Variants in WWOX observed in about 807,000 individuals in gnomAD.
WWOX encodes WW domain-containing oxidoreductase.
In WWOX, 69 loss-of-function variants were observed where a neutral mutation model predicts 46.2. That is an observed-to-expected ratio of 1.49 (90% CI 1.23 to 1.82). WWOX has a LOEUF of 1.82. WWOX is among the 40% of genes most tolerant of loss of function. WWOX has a pLI of 0.00. For synonymous variants in WWOX, 359 were observed against 202.6 expected, an observed-to-expected ratio of 1.77 and a Z score of -6.56; for missense variants, 919 against 542.6, an observed-to-expected ratio of 1.69 and a Z score of -6.89.
chr16:79,010,397 A>G (rs2047279928), intron 8 of WWOX, among the ~76,000 whole-genome samples: 2 of 152,086 alleles, frequency 1.3e-5, no homozygotes, highest in Admixed American at 1.3e-4. Context: ...CCAGGACTCA[A>G]AGGACCTATG....
chr16:78,573,604 C>G lies in WWOX; in HGVS notation c.1056+140852C>G, dbSNP rs749623216. Among the ~76,000 whole-genome samples the G allele has an allele frequency of 6.0e-4, 92 of 152,176 alleles. 1 individual carries two copies. The highest frequency in any genetic ancestry group is 2.6e-4 in the Non-Finnish European group (18 of 68,038). ...AATGCTCAGCTTGTCATTCCTTTGC[C>G]CAGTGTACTCTCTGTCTCACTAATT... On this transcript the variant is annotated intron_variant, in intron 8 of 8. Coordinates refer to ENST00000566780, the MANE Select transcript of WWOX (RefSeq NM_016373.4).
At chr16:78,304,748 T>C (rs773224393) in intron 5 of WWOX, among the ~76,000 whole-genome samples, 3 of 152,200 alleles carry the variant, frequency 2.0e-5, no homozygotes, top group Admixed American at 6.5e-5. Flanking sequence ...ACACATTTCC[T>C]GTCAACATGT....
At chr16:78,674,777 T>C (rs2142213959) in intron 8 of WWOX, among the ~76,000 whole-genome samples, 1 of 152,162 alleles carries the variant, frequency 6.6e-6, no homozygotes, top group South Asian at 2.1e-4. Flanking sequence ...GAAGGACATG[T>C]ACTCTTCCCA....
intron 8 of WWOX, among the ~76,000 whole-genome samples, chr16:79,034,757 A>G (rs1264179426): frequency 6.6e-6 from 1 of 152,142 alleles, no homozygotes; most frequent in Non-Finnish European, 1.5e-5. Context: ...TGCTCAAAGC[A>G]CTTGCTTACT....
intron 8 of WWOX, among the ~76,000 whole-genome samples, chr16:79,154,245 C>G (rs544615275): frequency 1.3e-5 from 2 of 152,196 alleles, no homozygotes; most frequent in Non-Finnish European, 2.9e-5. Context: ...TGTAAGTGTC[C>G]TCTGCCCTGG....
chr16:78,426,507 A>G (rs980913043), intron 7 of WWOX, among the ~76,000 whole-genome samples: 3 of 152,288 alleles, frequency 2.0e-5, no homozygotes, highest in Admixed American at 2.0e-4. Context: ...GCATCATTTA[A>G]AAGATTAGTT....
intron 5 of WWOX, among the ~76,000 whole-genome samples, chr16:78,380,575 C>T (rs554480111): frequency 7.9e-5 from 12 of 152,160 alleles, no homozygotes; most frequent in South Asian, 4.2e-4. Context: ...ACCCATTCAG[C>T]GGTGACCACC....
intron 8 of WWOX, among the ~76,000 whole-genome samples, chr16:78,557,438 A>C (rs1365020828): frequency 6.6e-6 from 1 of 152,080 alleles, no homozygotes; most frequent in Non-Finnish European, 1.5e-5. Context: ...GCACCATTCT[A>C]GGTGTTGGGG....
chr16:79,030,242 A>G (rs2047726265), intron 8 of WWOX, among the ~76,000 whole-genome samples: 1 of 152,210 alleles, frequency 6.6e-6, no homozygotes, highest in Non-Finnish European at 1.5e-5. Flanking sequence ...GAAAACTTTT[A>G]TGATTCTACT....
At chr16:79,203,384 G>T (rs542095254) in intron 8 of WWOX, 1 of 152,172 alleles carries the variant, frequency 6.6e-6, no homozygotes, top group Non-Finnish European at 1.5e-5. Context: ...GACATTGGGG[G>T]CCTACCTGTG....
At chr16:78,757,130 G>A (rs1021854388) in intron 8 of WWOX, 24 of 646,192 alleles carry the variant, frequency 3.7e-5, no homozygotes, top group African/African-American at 2.9e-4. Flanking sequence ...TAGAACCACC[G>A]AGCTAAGCTG....
intron 5 of WWOX, among the ~76,000 whole-genome samples, chr16:78,235,373 C>A (rs187944288): frequency 6.6e-6 from 1 of 152,084 alleles, no homozygotes; most frequent in Non-Finnish European, 1.5e-5. Context: ...GCCAGGCCGG[C>A]TCATCTGACC....
chr16:78,203,438 T>G (rs761054240), intron 5 of WWOX, among the ~76,000 whole-genome samples: 1 of 152,180 alleles, frequency 6.6e-6, no homozygotes, highest in Non-Finnish European at 1.5e-5. Context: ...TAATAAATAT[T>G]TTGAGTGTAT....
intron 2 of WWOX, 56 bp from the exon 3 acceptor site, chr16:78,109,722 A>C: frequency 1.9e-6 from 3 of 1,599,160 alleles, no homozygotes; most frequent in Non-Finnish European, 2.6e-6. Flanking sequence ...TTCCTGACCC[A>C]GGGATGGTCT....
chr16:79,063,026 T>G (rs1235929632), intron 8 of WWOX, among the ~76,000 whole-genome samples: 3 of 152,202 alleles, frequency 2.0e-5, no homozygotes, highest in Admixed American at 6.5e-5. Context: ...CCCTGCTTGT[T>G]GAATGCAGCA....
chr16:78,706,014 C>A (rs1267644157), intron 8 of WWOX, among the ~76,000 whole-genome samples: 2 of 141,498 alleles, frequency 1.4e-5, no homozygotes, highest in Non-Finnish European at 3.0e-5. Flanking sequence ...AAGAAGCTTT[C>A]ATTCTAATGA....
chr16:78,989,391 G>C (rs1190059144), intron 8 of WWOX, among the ~76,000 whole-genome samples: 2 of 152,122 alleles, frequency 1.3e-5, no homozygotes, highest in African/African-American at 4.8e-5. Context: ...CCCTGATGCA[G>C]TCAAACCACC....
chr16:78,703,992 G>T (rs1326674045), intron 8 of WWOX, among the ~76,000 whole-genome samples: 5 of 152,018 alleles, frequency 3.3e-5, no homozygotes, highest in African/African-American at 1.2e-4. Context: ...CAATTCAGTG[G>T]CATAAAAGGG....
chr16:79,123,662 C>G (rs926239635), intron 8 of WWOX, among the ~76,000 whole-genome samples: 7 of 152,094 alleles, frequency 4.6e-5, no homozygotes, highest in Admixed American at 1.3e-4. Flanking sequence ...CTATTTCTTT[C>G]TCACCCACAG....
Sources: gnomAD v4.1 joint callset for allele counts (sites outside exome capture counted in the v4.1 genomes callset) on GRCh38, gnomAD v4.1.1 for gene constraint, MANE v1.5 for transcripts, NCBI Gene and HGNC (gene_info 2026-07-23, HGNC 2026-07-21) for gene names.